ZBTB32: variants seen among roughly 807,000 people sequenced by gnomAD.
ZBTB32 encodes the protein zinc finger and BTB domain-containing protein 32.
Under a neutral mutation model 45.3 loss-of-function variants are expected in ZBTB32, and 28 were observed. The ratio of observed to expected loss-of-function variants is 0.62; its 90% confidence interval spans 0.46 to 0.85. ZBTB32 has a LOEUF of 0.85. Ranked by LOEUF, ZBTB32 falls within the 40% of genes least tolerant of loss-of-function variation. The probability of loss-of-function intolerance (pLI) is 0.00; values close to 1 mark genes in which losing one functional copy is unlikely to be tolerated. For synonymous variants in ZBTB32, 283 were observed against 255.7 expected (o/e 1.11, Z -1.02); for missense variants, 587 against 624.4 (o/e 0.94, Z 0.64).
At position 35,714,954 on chromosome 19, in the gene ZBTB32, T is replaced by G; in HGVS notation, c.328T>G (p.Trp110Gly). 2 of 1,588,680 alleles carry G rather than the reference T, an allele frequency of 1.3e-6. No homozygotes were observed. The highest frequency in any genetic ancestry group is 4.5e-5 in the East Asian group (2 of 44,656). The change falls in exon 3 of 7, where the codon TGG (tryptophan) becomes GGG (glycine). Residue 110 changes from tryptophan to glycine, a missense_variant. Physicochemically the swap from Trp to Gly is radical, Grantham distance 184. Transcript: ENST00000392197. Reference protein sequence around the residue: ...LGVQSLEEACWRARGDRAKKP... With the variant: ...LGVQSLEEACGRARGDRAKKP... The stretch of plus-strand genomic sequence containing the variant: ...AGTGCAGTCCCTGGAAGAGGCATGC[T>G]GGAGGGCTCGAGGGGACAGGGCTAA...
At chr19:35,707,742 G>C (rs938694201) in intron 1 of ZBTB32, among the ~76,000 whole-genome samples, 1 of 152,124 alleles carries the variant, frequency 6.6e-6, no homozygotes, top group African/African-American at 2.4e-5. Flanking sequence ...TGCACTCTGG[G>C]AGGCTGAGGC....
At chr19:35,708,808 CTTTTTTCTTTTTTCTTTTTTTTT>C (rs950179644) in intron 1 of ZBTB32, among the ~76,000 whole-genome samples, 1 of 147,794 alleles carries the variant, frequency 6.8e-6, no homozygotes, top group African/African-American at 2.5e-5. Context: ...TCTTTTTTTT[CTTTTTTCTTTTTTCTTTTTTTTT>C]TTTTGAGACA....
chr19:35,708,117 T>C (rs1968594741), intron 1 of ZBTB32, among the ~76,000 whole-genome samples: 1 of 152,064 alleles, frequency 6.6e-6, no homozygotes, highest in Non-Finnish European at 1.5e-5. Flanking sequence ...GACTCCCTCG[T>C]CTCTTCCCAT....
intron 1 of ZBTB32, among the ~76,000 whole-genome samples, 187 bp downstream of exon 1, chr19:35,704,810 A>G (rs1968499195): frequency 2.0e-5 from 3 of 152,194 alleles, no homozygotes; most frequent in African/African-American, 7.2e-5. Flanking sequence ...CTTTAGGCCT[A>G]GGTTTGGCAG....
At chr19:35,715,724 C>A in intron 3 of ZBTB32, 33 bp from the exon 4 acceptor site, 1 of 1,576,432 alleles carries the variant, frequency 6.3e-7, no homozygotes, top group Non-Finnish European at 8.6e-7. Flanking sequence ...CCAGGTTTAG[C>A]CAAGGCTGTA....
chr19:35,716,771 T>C lies in ZBTB32; in HGVS notation c.*19T>C, dbSNP rs778074593. ...CACCTGACGGGGTGTCGGTAGCGTC[T>C]TAGCCAAGAGTCCAATTAAAGAACG... On this transcript the variant is annotated 3_prime_UTR_variant, in exon 7 of 7. Coordinates refer to ENST00000392197, the MANE Select transcript of ZBTB32 (RefSeq NM_014383.3). 6 of 1,591,686 alleles carry C rather than the reference T, an allele frequency of 3.8e-6. No individual in the cohort carries two copies. The East Asian group carries it at 1.4e-4, about 36-fold the overall frequency.
At chr19:35,711,046 CCCGAAAGCCCA>C (rs1968677725) in intron 1 of ZBTB32, among the ~76,000 whole-genome samples, 1 of 152,124 alleles carries the variant, frequency 6.6e-6, no homozygotes, top group Non-Finnish European at 1.5e-5. Context: ...TTTTAGGTTC[CCCGAAAGCCCA>C]CTGATGCTCC....
chr19:35,706,155 G>A (rs1178067757), intron 1 of ZBTB32, among the ~76,000 whole-genome samples: 1 of 151,432 alleles, frequency 6.6e-6, no homozygotes, highest in Non-Finnish European at 1.5e-5. Flanking sequence ...TTGTACCTGG[G>A]AGGCGGAGGT....
chr19:35,707,535 A>C (rs1968577805), intron 1 of ZBTB32, among the ~76,000 whole-genome samples: 1 of 151,774 alleles, frequency 6.6e-6, no homozygotes, highest in African/African-American at 2.4e-5. Flanking sequence ...ACGCCCAGCT[A>C]ATTTTTGTAT....
chr19:35,716,438 T>TC, intron 6 of ZBTB32, 40 bp from the exon 7 acceptor site: 1 of 1,588,454 alleles, frequency 6.3e-7, no homozygotes, highest in Non-Finnish European at 8.6e-7. Flanking sequence ...TTCGCCGCCT[T>TC]CTTCCTTCCT....
chr19:35,707,733 G>C (rs568691175), intron 1 of ZBTB32, among the ~76,000 whole-genome samples: 1 of 152,236 alleles, frequency 6.6e-6, no homozygotes, highest in Non-Finnish European at 1.5e-5. Context: ...TGTAATCCCT[G>C]CACTCTGGGA....
intron 2 of ZBTB32, among the ~76,000 whole-genome samples, chr19:35,713,787 C>T (rs191326717): frequency 3.3e-5 from 5 of 152,344 alleles, no homozygotes; most frequent in Admixed American, 2.0e-4. Context: ...TCTCCTTACC[C>T]AAATCTTGAG....
chr19:35,707,705 G>A (rs746503454), intron 1 of ZBTB32, among the ~76,000 whole-genome samples: 2 of 152,132 alleles, frequency 1.3e-5, no homozygotes, highest in Non-Finnish European at 2.9e-5. Flanking sequence ...ATTGGTCCCA[G>A]GCTGGGTGGC....
intron 1 of ZBTB32, among the ~76,000 whole-genome samples, chr19:35,707,343 C>T (rs1968569984): frequency 6.6e-6 from 1 of 150,442 alleles, no homozygotes; most frequent in Non-Finnish European, 1.5e-5. Flanking sequence ...ATTCATATGC[C>T]AAGTGGTATA....
At chr19:35,705,949 C>T (rs1047987119) in intron 1 of ZBTB32, among the ~76,000 whole-genome samples, 3 of 149,628 alleles carry the variant, frequency 2.0e-5, no homozygotes, top group Admixed American at 1.3e-4. Context: ...AAAAGCAGGG[C>T]CAGGCGTGGG....
Position 35,715,778 on chromosome 19 carries a change from C to G in ZBTB32, c.903C>G (p.Ala301=), listed in dbSNP as rs371144658. Residue 301 remains alanine (A), a synonymous_variant, in exon 4 of 7, where the codon GCC becomes GCG. Transcript: ENST00000392197. The part of the protein sequence containing the change: ...REQRIPLSLN[A]PKGLWSQNQL... ...CCAGGATCCCACTGTCCCTAAATGC[C>G]CCCAAAGGGCTCTGGAGCCAGAACC... 1 of 1,613,092 alleles carries G rather than the reference C, an allele frequency of 6.2e-7. No homozygotes were observed. Among genetic ancestry groups the G allele is most frequent in the African/African-American group, 1.3e-5 (1 of 74,910 alleles).
chr19:35,705,132 C>T (rs1968506830), intron 1 of ZBTB32, among the ~76,000 whole-genome samples: 1 of 151,886 alleles, frequency 6.6e-6, no homozygotes, highest in South Asian at 2.1e-4. Context: ...ATGGAGAAAC[C>T]CTGTCTCTAC....
At position 35,710,918 on chromosome 19, in the gene ZBTB32, G is replaced by C. The variant is rs142261244; in HGVS notation, c.-221-1999G>C. The stretch of plus-strand genomic sequence containing the variant: ...GTGTCATCAGCATAAGGGTTGCAGT[G>C]CAAAGGGCCCTGGAGATAATTCTAG... On this transcript the variant is annotated intron_variant, in intron 1 of 6. Transcript: ENST00000392197. 5.4e-3 allele frequency among the ~76,000 whole-genome samples: 830 copies of C among 152,296 alleles called. 10 individuals are homozygous for C. Among genetic ancestry groups the C allele is most frequent in the African/African-American group, 0.019 (793 of 41,538 alleles).
In ZBTB32 at chr19:35,707,144, A is replaced by AT. The variant is rs1260768886; in HGVS notation, c.-222+2522dup. Among the ~76,000 whole-genome samples the AT allele has an allele frequency of 3.4e-5, 5 of 148,274 alleles. No individual in the cohort carries two copies. In the East Asian group the frequency reaches 1.0e-3, roughly 31 times the overall value. Reference sequence around the variant, plus strand: ...CAGGATGTCAAGACTGCAGTGAGCCATGATTGTGCCACTGCACTCCAGGCT... The same window carrying AT: ...CAGGATGTCAAGACTGCAGTGAGCCATTGATTGTGCCACTGCACTCCAGGCT... On this transcript the variant is annotated intron_variant, in intron 1 of 6. Coordinates refer to ENST00000392197, the MANE Select transcript of ZBTB32 (RefSeq NM_014383.3).
Sources: allele counts gnomAD v4.1 joint callset (sites outside exome capture counted in the v4.1 genomes callset), GRCh38; gene constraint gnomAD v4.1.1; transcripts MANE v1.5; gene names NCBI Gene and HGNC (gene_info 2026-07-23, HGNC 2026-07-21).